PABPC1L: variants seen among roughly 807,000 people sequenced by gnomAD.
The protein encoded by PABPC1L is polyadenylate-binding protein 1-like.
A neutral mutation model predicts 66.6 loss-of-function variants in PABPC1L; 31 were observed. That is an observed-to-expected ratio of 0.47 (90% CI 0.35 to 0.63). The LOEUF (loss-of-function observed/expected upper bound fraction) is 0.63. Among genes scored for constraint, PABPC1L ranks in the 20% least tolerant of loss-of-function variants. The probability of loss-of-function intolerance (pLI) is 0.00; values close to 1 mark genes in which losing one functional copy is unlikely to be tolerated. For synonymous variants in PABPC1L, 348 were observed against 335.1 expected (o/e 1.04, Z -0.42); for missense variants, 722 against 848.8 (o/e 0.85, Z 1.86).
intron 6 of PABPC1L, 41 bp from the exon 7 acceptor site, chr20:44,924,120 G>T: frequency 6.6e-7 from 1 of 1,522,020 alleles, no homozygotes; most frequent in East Asian, 2.2e-5. Flanking sequence ...GTTGGGGCTT[G>T]GAGGAGAAGG....
intron 1 of PABPC1L, 40 bp downstream of exon 1, chr20:44,910,376 G>A (rs2145548885): frequency 6.9e-7 from 1 of 1,446,646 alleles, no homozygotes; most frequent in Middle Eastern, 2.0e-4. Context: ...AGGACCGACG[G>A]ACAAGCAGGC....
At chr20:44,928,076 T>G (rs905042064) in intron 7 of PABPC1L, among the ~76,000 whole-genome samples, 1 of 152,184 alleles carries the variant, frequency 6.6e-6, no homozygotes, top group African/African-American at 2.4e-5. Flanking sequence ...TATTTTTATT[T>G]TTATTTTTTT....
At chr20:44,922,907 AATGCCACAGC>A (rs1796787479) in intron 6 of PABPC1L, among the ~76,000 whole-genome samples, 1 of 152,230 alleles carries the variant, frequency 6.6e-6, no homozygotes. Context: ...TGCCCAGGAC[AATGCCACAGC>A]AAGGAACTGT....
chr20:44,924,901 CT>C (rs2066798264), intron 7 of PABPC1L, among the ~76,000 whole-genome samples: 1 of 151,440 alleles, frequency 6.6e-6, no homozygotes, highest in East Asian at 1.9e-4. Flanking sequence ...AGGGCCTGGG[CT>C]TTTTATTTTT....
At chr20:44,920,182 A>G (rs745355409) in intron 5 of PABPC1L, among the ~76,000 whole-genome samples, 1 of 152,156 alleles carries the variant, frequency 6.6e-6, no homozygotes, top group South Asian at 2.1e-4. Flanking sequence ...CCAAGTTTAC[A>G]TTAGGATTTA....
chr20:44,922,048 A>G (rs2066777983), intron 6 of PABPC1L, among the ~76,000 whole-genome samples: 1 of 152,144 alleles, frequency 6.6e-6, no homozygotes, highest in Non-Finnish European at 1.5e-5. Flanking sequence ...TCAGACAACC[A>G]AAGTACCCCG....
intron 12 of PABPC1L, chr20:44,937,716 C>T (rs544579233): frequency 8.7e-6 from 2 of 231,044 alleles, no homozygotes; most frequent in South Asian, 6.2e-5. Context: ...TGCCTGGCCT[C>T]ACCCAGAAAC....
At chr20:44,932,720 T>G in intron 9 of PABPC1L, 3 of 494,084 alleles carry the variant, frequency 6.1e-6, no homozygotes, top group Non-Finnish European at 1.1e-5. Context: ...GAAGGTGAAA[T>G]TCCTCTGGCT....
At chr20:44,935,081 A>AAG (rs547573197) in intron 10 of PABPC1L, among the ~76,000 whole-genome samples, 84 of 152,108 alleles carry the variant, frequency 5.5e-4, no homozygotes, top group African/African-American at 1.9e-3. Flanking sequence ...AAAAAAAAAA[A>AAG]AAAGAAAGAA....
At chr20:44,930,315 C>G in intron 7 of PABPC1L, 145 bp from the exon 8 acceptor site, 4 of 1,137,594 alleles carry the variant, frequency 3.5e-6, no homozygotes, top group Non-Finnish European at 5.0e-6. Flanking sequence ...GCTTAGTAAA[C>G]AGGGGTGCAC....
At chr20:44,918,074 C>G (rs2066748990) in intron 3 of PABPC1L, among the ~76,000 whole-genome samples, 1 of 152,074 alleles carries the variant, frequency 6.6e-6, no homozygotes, top group Admixed American at 6.5e-5. Context: ...ACCTGTAACC[C>G]CAGCACTTTG....
intron 5 of PABPC1L, among the ~76,000 whole-genome samples, chr20:44,920,898 C>T (rs578125732): frequency 6.6e-6 from 1 of 152,058 alleles, no homozygotes; most frequent in East Asian, 1.9e-4. Flanking sequence ...CTGCAACCTC[C>T]ACCTCCCAGT....
intron 2 of PABPC1L, among the ~76,000 whole-genome samples, chr20:44,913,680 C>T (rs2066719439): frequency 6.6e-6 from 1 of 152,072 alleles, no homozygotes; most frequent in South Asian, 2.1e-4. Context: ...GGATTACAGC[C>T]ATGAGCCACC....
chr20:44,931,334 G>T (rs765313639), intron 8 of PABPC1L, among the ~76,000 whole-genome samples: 84 of 150,626 alleles, frequency 5.6e-4, no homozygotes, highest in Non-Finnish European at 1.1e-3. Context: ...GTGCCACCAT[G>T]CCCAGCTAAT....
intron 10 of PABPC1L, among the ~76,000 whole-genome samples, chr20:44,934,889 G>A (rs566086346): frequency 2.0e-5 from 3 of 152,118 alleles, no homozygotes; most frequent in East Asian, 1.9e-4. Context: ...CCAACATGGT[G>A]AAACCCTGTC....
In PABPC1L at chr20:44,935,399, G is replaced by A. The variant is rs1394226637; in HGVS notation, c.1468G>A (p.Gly490Ser). The change falls in exon 11 of 15, where the codon GGT becomes AGT. Residue 490 changes from glycine (G) to serine (S), a missense_variant. By Grantham distance (56) the Gly-to-Ser change is moderately conservative. Around this residue, in one of 3 missense-constraint regions of PABPC1L, gnomAD observed 301 missense variants for 337.2 expected, o/e 0.89. Coordinates refer to ENST00000217073, the MANE Select transcript of PABPC1L (RefSeq NM_001372179.1). Reference protein sequence around the residue: ...VPHTQRVANIGTQTTGPSGVG... With the variant: ...VPHTQRVANISTQTTGPSGVG... ...TTTGTTTTGTTTTGCAGCCAACATT[G>A]GTACTCAGACCACAGGACCCAGTGG... 6.2e-7 allele frequency: 1 copy of A among 1,613,620 alleles called. No individual in the cohort carries two copies. Among genetic ancestry groups the A allele is most frequent in the East Asian group, 2.2e-5 (1 of 44,886 alleles).
chr20:44,936,976 G>A (rs2030179618), intron 12 of PABPC1L: 2 of 616,620 alleles, frequency 3.2e-6, no homozygotes, highest in Non-Finnish European at 6.2e-6. Context: ...GTGACTTTGA[G>A]GTTGGGAGAC....
intron 7 of PABPC1L, among the ~76,000 whole-genome samples, chr20:44,929,610 C>T (rs2066835580): frequency 6.6e-6 from 1 of 151,786 alleles, no homozygotes; most frequent in Non-Finnish European, 1.5e-5. Flanking sequence ...GCCTGGCCAA[C>T]ATGGTGAAAC....
In PABPC1L at chr20:44,916,887, C is replaced by T. The variant is rs780375921; in HGVS notation, c.503+16C>T. The T allele has an allele frequency of 5.6e-5, 91 of 1,610,764 alleles. No homozygotes were observed. The Admixed American group carries it at 7.5e-4, about 13-fold the overall frequency. ...ACCGCAAAGTGTGAGTGGCTGGGCC[C>T]GAGGGAGGGGCGGAGGCTGCAGGGA... On this transcript the variant is annotated intron_variant, in intron 3 of 14. Coordinates refer to ENST00000217073, the MANE Select transcript of PABPC1L (RefSeq NM_001372179.1).
Sources: gnomAD v4.1 joint callset for allele counts (sites outside exome capture counted in the v4.1 genomes callset) on GRCh38, gnomAD v4.1.1 for gene constraint, gnomAD v4.1.1 regional missense constraint, MANE v1.5 for transcripts, NCBI Gene and HGNC (gene_info 2026-07-23, HGNC 2026-07-21) for gene names.